The following SLC15A4 variants were observed in gnomAD, a reference collection of about 807,000 sequenced individuals.
The protein encoded by SLC15A4 is hPHT1.
In SLC15A4, 26 loss-of-function variants were observed where a neutral mutation model predicts 46.1. That is an observed-to-expected ratio of 0.56 (90% CI 0.41 to 0.78). SLC15A4 has a LOEUF of 0.78. Ranked by LOEUF, SLC15A4 falls within the 30% of genes least tolerant of loss-of-function variation. The pLI is 0.00. For missense variants in SLC15A4, 751 were observed against 755.7 expected, an observed-to-expected ratio of 0.99 and a Z score of 0.07; for synonymous variants, 370 against 333.4, an observed-to-expected ratio of 1.11 and a Z score of -1.20.
chr12:128,820,745 T>C (rs1955822462), intron 1 of SLC15A4, among the ~76,000 whole-genome samples: 1 of 152,248 alleles, frequency 6.6e-6, no homozygotes, highest in Non-Finnish European at 1.5e-5. Flanking sequence ...GCAAGCACTG[T>C]GCCTGGTGCA....
intron 5 of SLC15A4, among the ~76,000 whole-genome samples, chr12:128,804,963 G>A (rs983071825): frequency 5.9e-5 from 9 of 152,152 alleles, no homozygotes; most frequent in Admixed American, 4.6e-4. Flanking sequence ...AGACACAGAC[G>A]CACACGTGCT....
intron 5 of SLC15A4, among the ~76,000 whole-genome samples, chr12:128,802,097 G>T (rs1233466118): frequency 6.6e-6 from 1 of 152,122 alleles, no homozygotes; most frequent in Admixed American, 6.6e-5. Flanking sequence ...CCCCACCCTG[G>T]AAGAGTGTCA....
chr12:128,809,078 C>A, intron 4 of SLC15A4, 122 bp from the exon 5 acceptor site: 1 of 887,524 alleles, frequency 1.1e-6, no homozygotes, highest in Non-Finnish European at 1.7e-6. Context: ...CAAGGTACAA[C>A]CTCTTCAGTT....
chr12:128,811,020 C>T (rs561777597), intron 2 of SLC15A4, among the ~76,000 whole-genome samples: 1 of 152,308 alleles, frequency 6.6e-6, no homozygotes, highest in Admixed American at 6.5e-5. Context: ...CTGGCATCCC[C>T]AGCTCTTGTA....
intron 5 of SLC15A4, among the ~76,000 whole-genome samples, chr12:128,805,843 T>G (rs956750425): frequency 3.0e-4 from 46 of 152,150 alleles, no homozygotes; most frequent in African/African-American, 1.1e-3. Flanking sequence ...AGATAAAAAT[T>G]TGAAATCCTT....
At chr12:128,795,620 G>T (rs1450690636) in intron 7 of SLC15A4, among the ~76,000 whole-genome samples, 2 of 152,250 alleles carry the variant, frequency 1.3e-5, no homozygotes, top group East Asian at 1.9e-4. Context: ...TTTCACAGAG[G>T]TCTGGAACTG....
chr12:128,805,751 C>T (rs1236484461), intron 5 of SLC15A4, among the ~76,000 whole-genome samples: 2 of 152,132 alleles, frequency 1.3e-5, no homozygotes, highest in African/African-American at 4.8e-5. Flanking sequence ...AGGCTGGTCT[C>T]AAACTCCCAA....
rs1304031348 is a variant in SLC15A4, at chr12:128,799,422, G to A, written c.1415-5C>T. 4 of 1,613,946 alleles carry A rather than the reference G, an allele frequency of 2.5e-6. No individual in the cohort carries two copies. In the Admixed American group the frequency reaches 5.0e-5, roughly 20 times the overall value. On this transcript the variant is annotated splice_polypyrimidine_tract_variant and splice_region_variant and intron_variant, in intron 6 of 7. Coordinates refer to ENST00000266771, the MANE Select transcript of SLC15A4 (RefSeq NM_145648.4). Reference sequence around the variant, plus strand: ...CTGAGTATGCAAATTCCAGGCCTGAGGAAAGAAAAGGGAGGGTCGTTTTTG... The same window carrying A: ...CTGAGTATGCAAATTCCAGGCCTGAAGAAAGAAAAGGGAGGGTCGTTTTTG...
At chr12:128,814,561 G>A (rs780364916) in intron 2 of SLC15A4, 8 of 555,964 alleles carry the variant, frequency 1.4e-5, no homozygotes, top group Non-Finnish European at 2.5e-5. Context: ...TAAAGCATGA[G>A]CTCTGGAATC....
intron 2 of SLC15A4, chr12:128,814,252 G>GCTGTATGATGGACCTGACCA (rs1955711052): frequency 1.3e-5 from 1 of 74,590 alleles, no homozygotes; most frequent in African/African-American, 5.5e-5. Context: ...GGACCTGACC[G>GCTGTATGATGGACCTGACCA]CTGTATGATG....
rs1955487318 is a variant in SLC15A4, at chr12:128,799,359, C to A, written c.1473G>T (p.Leu491Phe). ...ACCCGACGCCAGAGAAGAAAAAGAA[C>A]AAGCCCATTATGGCACTCTGCATGG... ...PKSMQSAIMG[L>F]FFFFSGVGSF... The change falls in exon 7 of 8, where the codon TTG (leucine) becomes TTT (phenylalanine). Residue 491 changes from leucine to phenylalanine, a missense_variant. By Grantham distance (22) the Leu-to-Phe change is conservative. Transcript: ENST00000266771. 6.2e-7 allele frequency: 1 copy of A among 1,614,060 alleles called. No individual in the cohort carries two copies. The highest frequency in any genetic ancestry group is 1.7e-5 in the Admixed American group (1 of 60,006).
intron 5 of SLC15A4, among the ~76,000 whole-genome samples, chr12:128,804,111 C>A (rs900565520): frequency 2.6e-5 from 4 of 152,202 alleles, no homozygotes; most frequent in African/African-American, 9.7e-5. Context: ...TCACCTACAA[C>A]ATTTTGAGAG....
Position 128,815,038 on chromosome 12 carries a change from TCTC to T in SLC15A4, c.576_578del (p.Arg193del), listed in dbSNP as rs999832392. The stretch of plus-strand genomic sequence containing the variant: ...TGCTCCAATAAAACCAATTAAAAAA[TCTC>T]CTAGTGGCTTCCGGACCTCGATCTT... On this transcript the variant is annotated inframe_deletion, in exon 2 of 8. Coordinates refer to ENST00000266771, the MANE Select transcript of SLC15A4 (RefSeq NM_145648.4). 3.1e-6 allele frequency: 5 copies of T among 1,611,624 alleles called. No homozygotes were observed. The highest frequency in any genetic ancestry group is 1.7e-5 in the Admixed American group (1 of 59,982).
Position 128,817,550 on chromosome 12 carries a change from G to A in SLC15A4, c.547-2480C>T, listed in dbSNP as rs150697333. On this transcript the variant is annotated intron_variant, in intron 1 of 7. Transcript: ENST00000266771. ...CACACACCTTCCCACGGTCTCACTCGGGCCTTCCCGTTACCCACAGTGACA... is the reference window on the plus strand; with the variant it reads ...CACACACCTTCCCACGGTCTCACTCAGGCCTTCCCGTTACCCACAGTGACA... Among the ~76,000 whole-genome samples, 1,236 of 152,078 alleles carry A rather than the reference G, an allele frequency of 8.1e-3. 15 individuals carry two copies. Among genetic ancestry groups the A allele is most frequent in the African/African-American group, 0.028 (1,166 of 41,446 alleles).
intron 5 of SLC15A4, 143 bp from the exon 6 acceptor site, chr12:128,801,152 G>A: frequency 1.4e-6 from 1 of 729,258 alleles, no homozygotes; most frequent in Non-Finnish European, 2.2e-6. Context: ...CTTCCCCCAG[G>A]ACTAATAGGC....
intron 1 of SLC15A4, among the ~76,000 whole-genome samples, chr12:128,822,247 G>A (rs1955854002): frequency 1.3e-5 from 2 of 152,236 alleles, no homozygotes; most frequent in Non-Finnish European, 2.9e-5. Context: ...AGTTACAGTT[G>A]CAGGGGAGCA....
chr12:128,820,134 G>A lies in SLC15A4; in HGVS notation c.546+3264C>T, dbSNP rs1201665647. On this transcript the variant is annotated intron_variant, in intron 1 of 7. Transcript: ENST00000266771. ...TCTTTAAAAGATAGAGGCTGACTGT[G>A]CTACCAGCCCCGTTCCTTCATGAGC... 3.9e-5 allele frequency among the ~76,000 whole-genome samples: 6 copies of A among 152,188 alleles called. No individual in the cohort carries two copies. The East Asian group carries it at 1.2e-3, about 29-fold the overall frequency.
In SLC15A4 at chr12:128,793,812, A is replaced by G. The variant is rs1955413102; in HGVS notation, c.*384T>C. On this transcript the variant is annotated 3_prime_UTR_variant, in exon 8 of 8. Transcript: ENST00000266771. Reference sequence around the variant, plus strand: ...TTTTTTTTTACAGTGAGATATGGCTATGGGAAGCAGGTGATACTATTTGTT... The same window carrying G: ...TTTTTTTTTACAGTGAGATATGGCTGTGGGAAGCAGGTGATACTATTTGTT... 6.2e-6 allele frequency: 1 copy of G among 160,042 alleles called. No homozygotes were observed. The highest frequency in any genetic ancestry group is 2.4e-5 in the African/African-American group (1 of 41,310). The allele number at this position is 160,042 out of a possible 1,614,324, so 9.9% of individuals were successfully genotyped here.
intron 2 of SLC15A4, chr12:128,810,446 GGA>G (rs769910177): frequency 3.3e-5 from 10 of 304,118 alleles, no homozygotes; most frequent in Non-Finnish European, 5.6e-5. Context: ...CTCCGTGTGG[GGA>G]GAGTCTGCAG....
Sources: gnomAD v4.1 joint callset for allele counts (sites outside exome capture counted in the v4.1 genomes callset) on GRCh38, gnomAD v4.1.1 for gene constraint, MANE v1.5 for transcripts, NCBI Gene and HGNC (gene_info 2026-07-23, HGNC 2026-07-21) for gene names.